MYO5A: variants seen among roughly 807,000 people sequenced by gnomAD.
MYO5A encodes unconventional myosin-Va.
MYO5A carries 98 observed loss-of-function variants against 249.7 expected under a neutral mutation model. That is an observed-to-expected ratio of 0.39 (90% CI 0.33 to 0.46). The LOEUF is 0.46. Ranked by LOEUF, MYO5A falls within the 20% of genes least tolerant of loss-of-function variation. The pLI, the probability that MYO5A is intolerant of heterozygous loss-of-function variation, is 0.98. For missense variants in MYO5A, 1,696 were observed against 2,308.8 expected (o/e 0.73, Z 5.44); for synonymous variants, 778 against 810.6 (o/e 0.96, Z 0.68).
intron 7 of MYO5A, 100 bp downstream of exon 7, chr15:52,407,959 T>C: frequency 2.4e-6 from 2 of 828,470 alleles, no homozygotes; most frequent in Non-Finnish European, 4.1e-6. Flanking sequence ...TCCATAAGTA[T>C]TCCAACATGA....
chr15:52,312,591 G>A lies in MYO5A; in HGVS notation c.*1105C>T, dbSNP rs1382331738. ...CAGGCTGGTCTCCAACTCCTAACCT[G>A]AAGTGATCCGCCCACCTTGGCTTCC... On this transcript the variant is annotated 3_prime_UTR_variant, in exon 42 of 42. Coordinates refer to ENST00000399233, the MANE Select transcript of MYO5A (RefSeq NM_001382347.1). The A allele has an allele frequency of 2.6e-5, 4 of 152,124 alleles. No homozygotes were observed. The highest frequency in any genetic ancestry group is 2.6e-4 in the Admixed American group (4 of 15,272). The allele number at this position is 152,124 out of a possible 1,614,324, so 9.4% of individuals were successfully genotyped here.
rs187154740 is a variant in MYO5A, at chr15:52,500,599, C to T, written c.27+28181G>A. ...CTGACCTCAGGTGATCCGCCCGCCTCGGCCTCCCAAAGTGCTGGGATTACA... is the reference window on the plus strand; with the variant it reads ...CTGACCTCAGGTGATCCGCCCGCCTTGGCCTCCCAAAGTGCTGGGATTACA... On this transcript the variant is annotated intron_variant, in intron 1 of 41. Coordinates refer to ENST00000399233, the MANE Select transcript of MYO5A (RefSeq NM_001382347.1). Among the ~76,000 whole-genome samples the T allele has an allele frequency of 9.2e-5, 14 of 152,228 alleles. No homozygotes were observed. The South Asian group carries it at 2.7e-3, about 29-fold the overall frequency.
chr15:52,482,421 G>A (rs531426110), intron 1 of MYO5A, among the ~76,000 whole-genome samples: 2 of 152,144 alleles, frequency 1.3e-5, no homozygotes, highest in African/African-American at 2.4e-5. Flanking sequence ...GGAAAAAGAG[G>A]AGTCAACATG....
chr15:52,467,693 CA>C (rs930949022), intron 1 of MYO5A, among the ~76,000 whole-genome samples: 2 of 151,462 alleles, frequency 1.3e-5, no homozygotes, highest in Non-Finnish European at 2.9e-5. Flanking sequence ...AAATAAACTG[CA>C]AAAAAAACTT....
At chr15:52,321,887 C>T (rs1195534187) in intron 37 of MYO5A, among the ~76,000 whole-genome samples, 1 of 151,364 alleles carries the variant, frequency 6.6e-6, no homozygotes. Flanking sequence ...CTCTTAACTT[C>T]AGTTCTTTAT....
chr15:52,427,440 AAC>A (rs781455745), intron 3 of MYO5A, among the ~76,000 whole-genome samples: 1 of 152,140 alleles, frequency 6.6e-6, no homozygotes, highest in Non-Finnish European at 1.5e-5. Flanking sequence ...GCAGGGAAGA[AAC>A]ACAGTAAGGA....
At chr15:52,437,615 AAGAG>A (rs1567126101) in intron 1 of MYO5A, among the ~76,000 whole-genome samples, 2 of 137,796 alleles carry the variant, frequency 1.5e-5, no homozygotes, top group Non-Finnish European at 3.1e-5. Flanking sequence ...AAAAAAAAAA[AAGAG>A]AGAGAGATAT....
chr15:52,374,176 G>A (rs192257351), intron 20 of MYO5A, among the ~76,000 whole-genome samples: 23 of 152,192 alleles, frequency 1.5e-4, no homozygotes, highest in African/African-American at 4.8e-4. Flanking sequence ...TTCATCAATG[G>A]TCACAGGTGA....
intron 1 of MYO5A, among the ~76,000 whole-genome samples, chr15:52,456,685 A>G (rs1042730505): frequency 6.6e-6 from 1 of 152,198 alleles, no homozygotes; most frequent in African/African-American, 2.4e-5. Context: ...CAGCCAACTC[A>G]TTTTTGAAAA....
chr15:52,344,138 C>T (rs1412664022), intron 30 of MYO5A, among the ~76,000 whole-genome samples: 1 of 152,166 alleles, frequency 6.6e-6, no homozygotes, highest in Non-Finnish European at 1.5e-5. Flanking sequence ...AACCCAAATT[C>T]CAGGCATTGT....
rs1299460030 is a variant in MYO5A at position 52,360,041 on chromosome 15, T to C, written c.3350A>G (p.His1117Arg). The C allele has an allele frequency of 6.2e-7, 1 of 1,613,824 alleles. No homozygotes were observed. ...KPGHKRTDST[H>R]SSNESEYIFS... The stretch of plus-strand genomic sequence containing the variant: ...GATATATTCAGACTCGTTGCTGCTG[T>C]GGGTGGAGTCTGTTCTCTTGTGTCC... The change falls in exon 25 of 42, where the codon CAC becomes CGC. Residue 1117 changes from histidine (H) to arginine (R), a missense_variant. His to Arg is a conservative substitution (Grantham distance 29). Around this residue, in one of 5 missense-constraint regions of MYO5A, gnomAD observed 412 missense variants for 453.3 expected, o/e 0.91. Coordinates refer to ENST00000399233, the MANE Select transcript of MYO5A (RefSeq NM_001382347.1).
chr15:52,483,880 GGAA>G, intron 1 of MYO5A, among the ~76,000 whole-genome samples: 1 of 152,272 alleles, frequency 6.6e-6, no homozygotes, highest in East Asian at 1.9e-4. Flanking sequence ...GTCACACTGT[GGAA>G]ATGAATCATT....
intron 18 of MYO5A, among the ~76,000 whole-genome samples, chr15:52,378,823 G>A (rs367587465): frequency 1.3e-5 from 2 of 152,070 alleles, no homozygotes; most frequent in Non-Finnish European, 2.9e-5. Context: ...GGCATCACCC[G>A]GGAAATACAA....
At position 52,310,483 on chromosome 15, in the gene MYO5A, AT is replaced by A. The variant is rs1454734311; in HGVS notation, c.*3212del. The A allele has an allele frequency of 6.6e-6, 1 of 152,262 alleles. No homozygotes were observed. Among genetic ancestry groups the A allele is most frequent in the African/African-American group, 2.4e-5 (1 of 41,460 alleles). 9.4% of individuals were successfully genotyped at this position (152,262 alleles called of 1,614,324 possible). A position where few individuals can be genotyped will look rare whatever the true frequency, so the allele number is the denominator to read the frequency against. On this transcript the variant is annotated 3_prime_UTR_variant, in exon 42 of 42. Coordinates refer to ENST00000399233, the MANE Select transcript of MYO5A (RefSeq NM_001382347.1). ...TTAAGATCTCTTCCTTTGAATTCCC[AT>A]TGTGTGTCACAGAGGAATTAAGAAA...
intron 34 of MYO5A, among the ~76,000 whole-genome samples, chr15:52,334,775 A>G (rs1006590083): frequency 6.6e-6 from 1 of 152,258 alleles, no homozygotes; most frequent in Non-Finnish European, 1.5e-5. Context: ...CTCAGAGTCT[A>G]TTATGGAAGC....
rs760072573 is a variant in MYO5A, at chr15:52,375,405, G to A, written c.2476C>T (p.Arg826Cys). The A allele has an allele frequency of 1.7e-5, 27 of 1,613,994 alleles. 1 individual carries two copies. Among genetic ancestry groups the A allele is most frequent in the East Asian group, 4.5e-5 (2 of 44,882 alleles). Residue 826 changes from arginine to cysteine, a missense_variant, in exon 20 of 42, where the codon CGC becomes TGC. By Grantham distance (180) the Arg-to-Cys change is radical. Coordinates refer to ENST00000399233, the MANE Select transcript of MYO5A (RefSeq NM_001382347.1). ...TACCTCCTGCGGACCACATACATGC[G>A]CCAGTACTTTTGAATGATGGTTGCT... ...KAATIIQKYW[R>C]MYVVRRRYKI... is the part of the protein sequence containing the mutation.
chr15:52,402,599 C>A (rs1034885787), intron 9 of MYO5A, among the ~76,000 whole-genome samples: 2 of 152,134 alleles, frequency 1.3e-5, no homozygotes, highest in African/African-American at 4.8e-5. Context: ...AATCCCAGCA[C>A]TTTAGGAGGC....
Position 52,379,697 on chromosome 15 carries a change from G to A in MYO5A, c.2136C>T (p.Val712=). ...TCAGCACATCTTTCTGCTTCATTAG[G>A]ACACGGTAGCGGCTGAAAAATTCTT... The part of the protein sequence containing the change: ...TYQEFFSRYR[V]LMKQKDVLSD... Residue 712 remains valine, a synonymous_variant, in exon 18 of 42, where the codon GTC becomes GTT. Coordinates refer to ENST00000399233, the MANE Select transcript of MYO5A (RefSeq NM_001382347.1). 1 of 1,614,104 alleles carries A rather than the reference G, an allele frequency of 6.2e-7. No individual in the cohort carries two copies. Among genetic ancestry groups the A allele is most frequent in the Non-Finnish European group, 8.5e-7 (1 of 1,180,018 alleles).
chr15:52,362,194 C>T (rs2040564795), intron 24 of MYO5A, among the ~76,000 whole-genome samples: 1 of 152,182 alleles, frequency 6.6e-6, no homozygotes, highest in Non-Finnish European at 1.5e-5. Flanking sequence ...GTTCTTTGGC[C>T]CATGTATCAC....
Sources: allele counts gnomAD v4.1 joint callset (sites outside exome capture counted in the v4.1 genomes callset), GRCh38; gene constraint gnomAD v4.1.1; regional missense constraint gnomAD v4.1.1; transcripts MANE v1.5; gene names NCBI Gene and HGNC (gene_info 2026-07-23, HGNC 2026-07-21).